Variants in TYW1 observed in about 807,000 individuals in gnomAD.
TYW1 encodes tRNA-yW synthesizing protein 1 homolog, also known as S-adenosyl-L-methionine-dependent tRNA 4-demethylwyosine synthase TYW1.
In TYW1, 46 loss-of-function variants were observed where a neutral mutation model predicts 96.2. The ratio of observed to expected loss-of-function variants is 0.48; its 90% CI spans 0.38 to 0.61. The LOEUF (loss-of-function observed/expected upper bound fraction) is 0.61, where lower values mean the gene tolerates loss of function less well. Ranked by LOEUF, TYW1 falls within the 20% of genes least tolerant of loss-of-function variation. TYW1 has a pLI of 0.00. For synonymous variants in TYW1, 274 were observed against 323.0 expected (o/e 0.85, Z 1.63); for missense variants, 684 against 909.6 (o/e 0.75, Z 3.19).
At chr7:67,058,004 G>A (rs1225122267) in intron 9 of TYW1, among the ~76,000 whole-genome samples, 2 of 151,988 alleles carry the variant, frequency 1.3e-5, no homozygotes, top group Admixed American at 6.6e-5. Context: ...AAGCTTCGTC[G>A]GCTCACTGCA....
intron 7 of TYW1, among the ~76,000 whole-genome samples, chr7:67,040,465 T>A (rs1794982969): frequency 6.6e-6 from 1 of 151,974 alleles, no homozygotes; most frequent in Non-Finnish European, 1.5e-5. Context: ...TCTGAGTAAT[T>A]TTCATTGGTG....
chr7:67,033,200 A>G (rs1218351125), intron 7 of TYW1, among the ~76,000 whole-genome samples: 3 of 151,886 alleles, frequency 2.0e-5, no homozygotes, highest in Non-Finnish European at 4.4e-5. Context: ...CCTGTCCAAG[A>G]AGTATACTGA....
intron 5 of TYW1, among the ~76,000 whole-genome samples, chr7:67,016,345 C>T (rs796539911): frequency 7.3e-5 from 11 of 151,346 alleles, no homozygotes; most frequent in Middle Eastern, 3.4e-3. Flanking sequence ...GTCGGGAGTT[C>T]GACCCCAGCC....
intron 11 of TYW1, among the ~76,000 whole-genome samples, chr7:67,094,426 T>G: frequency 6.6e-6 from 1 of 152,152 alleles, no homozygotes; most frequent in East Asian, 1.9e-4. Context: ...GAAATCTCTC[T>G]ATAGAGGTTG....
rs148572347 is a variant in TYW1, at chr7:67,174,609, T to TA, written c.1699-8509dup. Among the ~76,000 whole-genome samples the TA allele has an allele frequency of 8.4e-5, 12 of 142,106 alleles. No individual in the cohort carries two copies. The East Asian group carries it at 1.6e-3, about 19-fold the overall frequency. 93.2% of individuals were successfully genotyped at this position (142,106 alleles called of 152,430 possible). On this transcript the variant is annotated intron_variant, in intron 13 of 15. Coordinates refer to ENST00000359626, the MANE Select transcript of TYW1 (RefSeq NM_018264.4). ...TTGGTACCCACAATGTTTTTTTTTT[T>TA]AAAAAAAAGAACAGAGCAGTAAATT...
chr7:67,092,858 A>C (rs1378086811), intron 11 of TYW1, among the ~76,000 whole-genome samples: 1 of 150,572 alleles, frequency 6.6e-6, no homozygotes, highest in Non-Finnish European at 1.5e-5. Context: ...AATGTTTTTA[A>C]ATTTTTGGTA....
chr7:67,024,292 G>T (rs578184316), intron 6 of TYW1, among the ~76,000 whole-genome samples: 1 of 152,164 alleles, frequency 6.6e-6, no homozygotes, highest in South Asian at 2.1e-4. Context: ...AGCCTCCTAA[G>T]TAGTTGGGAT....
chr7:67,102,712 C>T (rs1050470297), intron 12 of TYW1, among the ~76,000 whole-genome samples: 1 of 151,714 alleles, frequency 6.6e-6, no homozygotes. Flanking sequence ...AGTGCAGTGG[C>T]GCCATCTCGG....
chr7:67,037,609 T>A lies in TYW1; in HGVS notation c.985-12340T>A, dbSNP rs190582277. ...CAAAGGCTAGACATCTTATTCTTTA[T>A]TGTACACTGTGTTTCATCTATTTTT... On this transcript the variant is annotated intron_variant, in intron 7 of 15. Transcript: ENST00000359626. 7.9e-3 allele frequency among the ~76,000 whole-genome samples: 1,202 copies of A among 152,252 alleles called. 26 individuals are homozygous for A. The highest frequency in any genetic ancestry group is 6.1e-3 in the Non-Finnish European group (412 of 68,026).
chr7:67,151,088 A>G (rs1454388136), intron 13 of TYW1, among the ~76,000 whole-genome samples: 2 of 144,924 alleles, frequency 1.4e-5, no homozygotes, highest in Non-Finnish European at 3.0e-5. Context: ...TCTTACTCTG[A>G]TGTCCAGACT....
Position 67,155,149 on chromosome 7 carries a change from C to A in TYW1, c.1699-27977C>A, listed in dbSNP as rs551957221. Among the ~76,000 whole-genome samples the A allele has an allele frequency of 9.5e-4, 145 of 152,210 alleles. 1 individual carries two copies. Among genetic ancestry groups the A allele is most frequent in the African/African-American group, 3.4e-3 (140 of 41,522 alleles). ...TCATAAATTTCCTTTTCTTTGAGATCTTTTACTGGAGAATTACGATTTTCC... is the reference window on the plus strand; with the variant it reads ...TCATAAATTTCCTTTTCTTTGAGATATTTTACTGGAGAATTACGATTTTCC... On this transcript the variant is annotated intron_variant, in intron 13 of 15. Coordinates refer to ENST00000359626, the MANE Select transcript of TYW1 (RefSeq NM_018264.4).
chr7:67,069,840 A>G (rs942696855), intron 10 of TYW1, among the ~76,000 whole-genome samples: 18 of 152,220 alleles, frequency 1.2e-4, no homozygotes, highest in Non-Finnish European at 2.4e-4. Flanking sequence ...TGTTCTTTGT[A>G]TATTTGTATG....
At chr7:67,029,175 T>G (rs1358424119) in intron 7 of TYW1, among the ~76,000 whole-genome samples, 1 of 151,802 alleles carries the variant, frequency 6.6e-6, no homozygotes, top group Non-Finnish European at 1.5e-5. Context: ...ATTTTTTGTA[T>G]TTTTAGTAGA....
chr7:67,132,702 A>T (rs1191384631), intron 13 of TYW1, among the ~76,000 whole-genome samples: 1 of 152,088 alleles, frequency 6.6e-6, no homozygotes, highest in Non-Finnish European at 1.5e-5. Flanking sequence ...CTTCATACCC[A>T]TTAAATAGTA....
At chr7:67,236,088 A>G (rs1018289046) in intron 15 of TYW1, among the ~76,000 whole-genome samples, 6 of 152,092 alleles carry the variant, frequency 3.9e-5, no homozygotes, top group African/African-American at 1.4e-4. Flanking sequence ...TGGCCAGGAA[A>G]CTGACAGAAA....
chr7:67,054,099 C>G (rs1193210156), intron 8 of TYW1, among the ~76,000 whole-genome samples: 1 of 152,208 alleles, frequency 6.6e-6, no homozygotes, highest in African/African-American at 2.4e-5. Context: ...GTTCTGAAAT[C>G]TGTTGTTTCA....
chr7:67,238,954 C>T lies in TYW1; in HGVS notation c.*425C>T. 3 of 1,013,946 alleles carry T rather than the reference C, an allele frequency of 3.0e-6. No individual in the cohort carries two copies. The highest frequency in any genetic ancestry group is 3.5e-6 in the Non-Finnish European group (3 of 845,140). 62.8% of individuals were successfully genotyped at this position (1,013,946 alleles called of 1,614,324 possible). On this transcript the variant is annotated 3_prime_UTR_variant, in exon 16 of 16. Transcript: ENST00000359626. Reference sequence around the variant, plus strand: ...GCCACTTAGCATTGAATTGCACTACCCTGAGCTAAACGTGTCTGTGCTTTC... The same window carrying T: ...GCCACTTAGCATTGAATTGCACTACTCTGAGCTAAACGTGTCTGTGCTTTC...
intron 13 of TYW1, among the ~76,000 whole-genome samples, chr7:67,164,412 C>G (rs1438222662): frequency 6.6e-6 from 1 of 151,668 alleles, no homozygotes; most frequent in South Asian, 2.1e-4. Flanking sequence ...GAGTTCGAGA[C>G]AAGCCTGGGC....
chr7:67,008,006 C>A (rs1488306526), intron 3 of TYW1, among the ~76,000 whole-genome samples: 2 of 152,180 alleles, frequency 1.3e-5, no homozygotes, highest in African/African-American at 4.8e-5. Flanking sequence ...AGACTGCCCC[C>A]ACTTCAGACA....
Sources: allele counts gnomAD v4.1 joint callset (sites outside exome capture counted in the v4.1 genomes callset), GRCh38; gene constraint gnomAD v4.1.1; transcripts MANE v1.5; gene names NCBI Gene and HGNC (gene_info 2026-07-23, HGNC 2026-07-21).